Variants in CNTN6 observed in about 807,000 individuals in gnomAD.
CNTN6 encodes the protein contactin-6.
A neutral mutation model predicts 122.8 loss-of-function variants in CNTN6; 137 were observed. The ratio of observed to expected loss-of-function variants is 1.12; its 90% CI spans 0.97 to 1.29. CNTN6 has a LOEUF of 1.29. Ranked by LOEUF, CNTN6 falls within the 50% of genes most tolerant of loss-of-function variation. The probability of loss-of-function intolerance (pLI) is 0.00; values close to 1 mark genes in which losing one functional copy is unlikely to be tolerated. For synonymous variants in CNTN6, 570 were observed against 426.0 expected (o/e 1.34, Z -4.16); for missense variants, 1,634 against 1,223.4 (o/e 1.34, Z -5.01).
At chr3:1,202,301 A>C (rs71309804) in intron 2 of CNTN6, among the ~76,000 whole-genome samples, 5 of 152,076 alleles carry the variant, frequency 3.3e-5, no homozygotes, top group Admixed American at 6.5e-5. Context: ...AGCACTTCGG[A>C]AGGCCGAGGC....
At chr3:1,176,931 C>T (rs571193575) in intron 2 of CNTN6, among the ~76,000 whole-genome samples, 55 of 152,272 alleles carry the variant, frequency 3.6e-4, no homozygotes, top group African/African-American at 1.3e-3. Context: ...AAGAGGTGCA[C>T]TTTCTACTAC....
intron 2 of CNTN6, among the ~76,000 whole-genome samples, chr3:1,160,344 G>GTATGTATATA (rs1158623079): frequency 1.8e-5 from 2 of 111,114 alleles, no homozygotes; most frequent in Admixed American, 1.0e-4. Context: ...TACTTTTACT[G>GTATGTATATA]TATATATATA....
In CNTN6 at chr3:1,327,437, T is replaced by C; in HGVS notation, c.1084-20T>C. The C allele has an allele frequency of 1.9e-6, 3 of 1,607,236 alleles. No homozygotes were observed. Among genetic ancestry groups the C allele is most frequent in the Non-Finnish European group, 2.6e-6 (3 of 1,175,750 alleles). On this transcript the variant is annotated intron_variant, in intron 9 of 22. Coordinates refer to ENST00000446702, the MANE Select transcript of CNTN6 (RefSeq NM_001289080.2). ...CTATATTAACGTACAAGCATCTTTA[T>C]ATGCCTTTTCCTTTATTAGGAGAGA...
chr3:1,245,879 C>T (rs930730596), intron 4 of CNTN6, among the ~76,000 whole-genome samples: 2 of 151,356 alleles, frequency 1.3e-5, no homozygotes, highest in Admixed American at 6.6e-5. Context: ...TGTCTTGGGC[C>T]ACATATAAAA....
chr3:1,136,955 T>C (rs2092491182), intron 1 of CNTN6, among the ~76,000 whole-genome samples: 1 of 152,204 alleles, frequency 6.6e-6, no homozygotes, highest in Non-Finnish European at 1.5e-5. Flanking sequence ...AGGCAGTGCA[T>C]GTAACTCCTG....
rs1310060287 is a variant in CNTN6 at position 1,372,751 on chromosome 3, T to C, written c.1669-87T>C. On this transcript the variant is annotated intron_variant, in intron 13 of 22. Transcript: ENST00000446702. ...ATCTTTTAATTTCAGAGTTGTTTTA[T>C]GTTTCGTATTTATCCAGCTGTAACA... The C allele has an allele frequency of 7.4e-6, 6 of 814,872 alleles. No individual in the cohort carries two copies. In the Admixed American group the frequency reaches 1.0e-4, roughly 14 times the overall value. 50.5% of individuals were successfully genotyped at this position (814,872 alleles called of 1,614,324 possible).
intron 17 of CNTN6, among the ~76,000 whole-genome samples, chr3:1,382,606 T>C (rs999421403): frequency 6.6e-6 from 1 of 152,222 alleles, no homozygotes; most frequent in African/African-American, 2.4e-5. Flanking sequence ...GTGCTGAGTT[T>C]AAAAATTCAT....
chr3:1,154,735 G>T (rs568951493), intron 2 of CNTN6, among the ~76,000 whole-genome samples: 3 of 152,202 alleles, frequency 2.0e-5, no homozygotes, highest in Non-Finnish European at 4.4e-5. Flanking sequence ...GAGCCACCGC[G>T]CCCGGCCCAG....
chr3:1,390,741 A>G lies in CNTN6; in HGVS notation c.2704+4944A>G, dbSNP rs531277623. ...AAGGGGATATCACCACCAATCCCAC[A>G]GAAATACAAACTACCATCAGAGAAT... On this transcript the variant is annotated intron_variant, in intron 20 of 22. Transcript: ENST00000446702. 9.2e-5 allele frequency among the ~76,000 whole-genome samples: 14 copies of G among 152,096 alleles called. No homozygotes were observed. The East Asian group carries it at 2.3e-3, about 25-fold the overall frequency.
intron 2 of CNTN6, among the ~76,000 whole-genome samples, chr3:1,189,441 G>T (rs945189659): frequency 6.6e-6 from 1 of 152,144 alleles, no homozygotes; most frequent in East Asian, 1.9e-4. Flanking sequence ...TAACTCTTTG[G>T]AATTTGCAGA....
At chr3:1,177,380 GAATTT>G (rs2093470986) in intron 2 of CNTN6, among the ~76,000 whole-genome samples, 3 of 152,128 alleles carry the variant, frequency 2.0e-5, no homozygotes. Flanking sequence ...TAATGCTGTG[GAATTT>G]AGGGATGAAA....
chr3:1,233,677 G>C (rs865908737), intron 4 of CNTN6, among the ~76,000 whole-genome samples: 8 of 141,630 alleles, frequency 5.6e-5, no homozygotes, highest in African/African-American at 1.6e-4. Context: ...AGAGGTTGCA[G>C]TGAGCTGAGA....
At chr3:1,205,234 G>A (rs1250716975) in intron 2 of CNTN6, among the ~76,000 whole-genome samples, 1 of 152,126 alleles carries the variant, frequency 6.6e-6, no homozygotes, top group Non-Finnish European at 1.5e-5. Context: ...ATGCAGCCCT[G>A]ATGACATCTT....
At position 1,198,164 on chromosome 3, in the gene CNTN6, A is replaced by T. The variant is rs1329943494; in HGVS notation, c.56-22523A>T. Among the ~76,000 whole-genome samples the T allele has an allele frequency of 6.6e-5, 10 of 152,126 alleles. 1 individual carries two copies. The highest frequency in any genetic ancestry group is 6.5e-4 in the Admixed American group (10 of 15,272). ...CCCAGTATTTCCCCATCATCTCTCA[A>T]AGAACTGCCTATTAATAAAAAACAA... On this transcript the variant is annotated intron_variant, in intron 2 of 22. Transcript: ENST00000446702.
chr3:1,153,118 C>G (rs2092884270), intron 2 of CNTN6, among the ~76,000 whole-genome samples: 1 of 152,066 alleles, frequency 6.6e-6, no homozygotes, highest in Non-Finnish European at 1.5e-5. Context: ...GGGTTAAGGA[C>G]TTTTATATGT....
chr3:1,177,338 T>G (rs2125323331), intron 2 of CNTN6, among the ~76,000 whole-genome samples: 1 of 152,312 alleles, frequency 6.6e-6, no homozygotes, highest in South Asian at 2.1e-4. Flanking sequence ...TTGTTATGAT[T>G]ATTGAAAGAG....
At chr3:1,099,033 T>G (rs2124939517) in intron 1 of CNTN6, among the ~76,000 whole-genome samples, 1 of 151,640 alleles carries the variant, frequency 6.6e-6, no homozygotes, top group South Asian at 2.1e-4. Flanking sequence ...TTACATATAA[T>G]TGTTATATAT....
chr3:1,383,630 G>A (rs1473139660), intron 19 of CNTN6, among the ~76,000 whole-genome samples: 1 of 151,592 alleles, frequency 6.6e-6, no homozygotes, highest in Non-Finnish European at 1.5e-5. Context: ...TCGAGAGTGA[G>A]CCAGTGGTAA....
At chr3:1,302,315 T>G (rs529706980) in intron 7 of CNTN6, among the ~76,000 whole-genome samples, 1 of 152,284 alleles carries the variant, frequency 6.6e-6, no homozygotes, top group East Asian at 1.9e-4. Context: ...CTTTGTGATG[T>G]ACTTTACTCT....
Sources: gnomAD v4.1 joint callset for allele counts (sites outside exome capture counted in the v4.1 genomes callset) on GRCh38, gnomAD v4.1.1 for gene constraint, MANE v1.5 for transcripts, NCBI Gene and HGNC (gene_info 2026-07-23, HGNC 2026-07-21) for gene names.